Variants in FMR1 observed in about 807,000 individuals in gnomAD.
The protein encoded by FMR1 is fragile X messenger ribonucleoprotein 1, also known as FMRP translational regulator 1.
FMR1 carries 13 observed loss-of-function variants against 50.6 expected under a neutral mutation model. The ratio of observed to expected loss-of-function variants is 0.26; its 90% CI spans 0.17 to 0.41. The LOEUF (loss-of-function observed/expected upper bound fraction) is 0.41, where lower values mean the gene tolerates loss of function less well. Among genes scored for constraint, FMR1 ranks in the 10% least tolerant of loss-of-function variants. FMR1 has a pLI of 1.00. For synonymous variants in FMR1, 138 were observed against 164.1 expected, an observed-to-expected ratio of 0.84 and a Z score of 1.22; for missense variants, 316 against 491.3, an observed-to-expected ratio of 0.64 and a Z score of 3.37.
Position 147,925,433 on chromosome X carries a change from C to G in FMR1, c.105-107C>G, listed in dbSNP as rs781896910. 8 of 609,708 alleles carry G rather than the reference C, an allele frequency of 1.3e-5. No homozygotes were observed. The South Asian group carries it at 1.6e-4, about 12-fold the overall frequency. The allele number at this position is 609,708 out of a possible 1,213,427, so 50.2% of individuals were successfully genotyped here. A position where few individuals can be genotyped will look rare whatever the true frequency, so the allele number is the denominator to read the frequency against. ...ATTTTAAAGCTTTTGCTTCTTGAAACTAGAAAAAGAGGGGTCAGCCTTAAC... is the reference window on the plus strand; with the variant it reads ...ATTTTAAAGCTTTTGCTTCTTGAAAGTAGAAAAAGAGGGGTCAGCCTTAAC... On this transcript the variant is annotated intron_variant, in intron 2 of 16. Transcript: ENST00000370475.
chrX:147,929,926 A>T (rs781810677), intron 5 of FMR1, 22 bp from the exon 6 acceptor site: 16 of 934,448 alleles, frequency 1.7e-5, no homozygotes, highest in East Asian at 1.0e-4. Context: ...ATTCATCTTA[A>T]TTTTTTTTTT....
chrX:147,933,003 G>A (rs1161397777), intron 9 of FMR1, among the ~76,000 whole-genome samples: 1 of 107,603 alleles, frequency 9.3e-6, no homozygotes, highest in African/African-American at 3.4e-5. Flanking sequence ...CCACTAACTT[G>A]TCATCTAGCA....
At chrX:147,912,411 C>A (rs2042626365) in intron 1 of FMR1, among the ~76,000 whole-genome samples, 181 bp downstream of exon 1, 1 of 111,232 alleles carries the variant, frequency 9.0e-6, no homozygotes, top group Non-Finnish European at 1.9e-5. Context: ...AAGCCCCTCT[C>A]CGACTCCGAG....
rs1477701574 is a variant in FMR1, at chrX:147,949,542, A to G, written c.*698A>G. On this transcript the variant is annotated 3_prime_UTR_variant, in exon 17 of 17. Transcript: ENST00000370475. ...GCATGCTTTCCATATTTTTTTCCTT[A>G]CATAAACATCAGGTTAGGCAGTATA... The G allele has an allele frequency of 3.1e-5, 10 of 327,825 alleles. No homozygotes were observed. Among genetic ancestry groups the G allele is most frequent in the Non-Finnish European group, 5.9e-5 (10 of 169,663 alleles). 27.0% of individuals were successfully genotyped at this position (327,825 alleles called of 1,213,427 possible). A position where few individuals can be genotyped will look rare whatever the true frequency, so the allele number is the denominator to read the frequency against.
intron 9 of FMR1, among the ~76,000 whole-genome samples, chrX:147,935,489 A>T (rs2124533432): frequency 8.9e-6 from 1 of 112,589 alleles, no homozygotes; most frequent in South Asian, 3.6e-4. Flanking sequence ...ATGGAAGATG[A>T]GATGGTGAGG....
At chrX:147,918,072 A>G (rs2042961050) in intron 1 of FMR1, among the ~76,000 whole-genome samples, 1 of 111,582 alleles carries the variant, frequency 9.0e-6, no homozygotes, top group South Asian at 3.7e-4. Flanking sequence ...TAGGGATCAT[A>G]GCAAAACACA....
chrX:147,937,610 A>G lies in FMR1; in HGVS notation c.1125+10A>G. ...TACAAAAGTCCAGAGGGTAAGAATT[A>G]CTTGTCACTTTGAATTACAATACAA... On this transcript the variant is annotated intron_variant, in intron 11 of 16. Transcript: ENST00000370475. 1 of 787,463 alleles carries G rather than the reference A, an allele frequency of 1.3e-6. No individual in the cohort carries two copies. The highest frequency in any genetic ancestry group is 2.1e-5 in the South Asian group (1 of 48,520). 64.9% of individuals were successfully genotyped at this position (787,463 alleles called of 1,213,427 possible). A position where few individuals can be genotyped will look rare whatever the true frequency, so the allele number is the denominator to read the frequency against.
chrX:147,933,433 TA>T, intron 9 of FMR1: 1 of 994,832 alleles, frequency 1.0e-6, no homozygotes. Context: ...TACTTAAATC[TA>T]AAAAGTTCCA....
intron 1 of FMR1, chrX:147,914,557 A>G (rs1384505500): frequency 3.6e-5 from 4 of 112,245 alleles, no homozygotes; most frequent in African/African-American, 1.3e-4. Flanking sequence ...CTTGAGTATA[A>G]TGGAATTCAG....
chrX:147,912,057 C>CGGCGGCGGA lies in FMR1; in HGVS notation c.-115_-114insAGGCGGCGG, dbSNP rs1252600397. 2 of 150,014 alleles carry CGGCGGCGGA rather than the reference C, an allele frequency of 1.3e-5. No individual in the cohort carries two copies. Among genetic ancestry groups the CGGCGGCGGA allele is most frequent in the Non-Finnish European group, 2.1e-5 (2 of 94,691 alleles). The allele number at this position is 150,014 out of a possible 1,213,427, so 12.4% of individuals were successfully genotyped here. A position where few individuals can be genotyped will look rare whatever the true frequency, so the allele number is the denominator to read the frequency against. On this transcript the variant is annotated 5_prime_UTR_variant, in exon 1 of 17. Transcript: ENST00000370475. ...CAGGGGGCGTGCGGCAGCGCGGCGG[C>CGGCGGCGGA]GGCGGCGGCGGCGGCGGCGGCGGAG...
intron 13 of FMR1, 87 bp downstream of exon 13, chrX:147,940,749 T>C: frequency 1.6e-6 from 1 of 610,825 alleles, no homozygotes; most frequent in Non-Finnish European, 2.8e-6. Flanking sequence ...TTAGGACTCA[T>C]TCTAGCCTGT....
chrX:147,920,959 G>A (rs1383071704), intron 1 of FMR1, among the ~76,000 whole-genome samples: 1 of 111,920 alleles, frequency 8.9e-6, no homozygotes, highest in Non-Finnish European at 1.9e-5. Context: ...TTGAAGAAGT[G>A]GTGGGGCTGG....
intron 16 of FMR1, among the ~76,000 whole-genome samples, chrX:147,946,693 C>A (rs782399259): frequency 8.9e-6 from 1 of 112,537 alleles, no homozygotes; most frequent in African/African-American, 3.2e-5. Flanking sequence ...GTCTGATTCT[C>A]TGAATCTATG....
chrX:147,935,110 C>A, intron 9 of FMR1, among the ~76,000 whole-genome samples: 1 of 111,945 alleles, frequency 8.9e-6, no homozygotes, highest in East Asian at 2.8e-4. Flanking sequence ...AACATTAATT[C>A]ATGAAAATGT....
intron 5 of FMR1, 21 bp downstream of exon 5, chrX:147,928,828 T>C (rs781784284): frequency 1.7e-6 from 2 of 1,199,742 alleles, no homozygotes; most frequent in South Asian, 3.5e-5. Context: ...ACACAAGAAA[T>C]GCTGAGAACT....
At chrX:147,926,790 T>A (rs947174994) in intron 3 of FMR1, among the ~76,000 whole-genome samples, 1 of 111,650 alleles carries the variant, frequency 9.0e-6, no homozygotes, top group African/African-American at 3.3e-5. Context: ...GCCCAGCTGG[T>A]CCTTGAATTC....
intron 3 of FMR1, among the ~76,000 whole-genome samples, chrX:147,926,154 G>A (rs1443974315): frequency 4.5e-5 from 5 of 111,631 alleles, no homozygotes; most frequent in African/African-American, 9.8e-5. Flanking sequence ...CTTATCTCCC[G>A]TTGAGCTCTT....
At chrX:147,928,947 T>A in intron 5 of FMR1, 140 bp downstream of exon 5, 1 of 624,285 alleles carries the variant, frequency 1.6e-6, no homozygotes. Flanking sequence ...TGGTTTGGTT[T>A]GCAAGAGCAA....
In FMR1 at chrX:147,912,141, CGGGG is replaced by C; in HGVS notation, c.-37_-34del. On this transcript the variant is annotated 5_prime_UTR_variant, in exon 1 of 17. Coordinates refer to ENST00000370475, the MANE Select transcript of FMR1 (RefSeq NM_002024.6). ...CCTCGAGCGCCCGCAGCCCACCTCT[CGGGG>C]GCGGGCTCCCGGCGCTAGCAGGGCT... 9.2e-7 allele frequency: 1 copy of C among 1,087,930 alleles called. No individual in the cohort carries two copies. Among genetic ancestry groups the C allele is most frequent in the South Asian group, 2.1e-5 (1 of 46,799 alleles). 89.7% of individuals were successfully genotyped at this position (1,087,930 alleles called of 1,213,427 possible).
Sources: allele counts gnomAD v4.1 joint callset (sites outside exome capture counted in the v4.1 genomes callset), GRCh38; gene constraint gnomAD v4.1.1; transcripts MANE v1.5; gene names NCBI Gene and HGNC (gene_info 2026-07-23, HGNC 2026-07-21).